SAP130: variants seen among roughly 807,000 people sequenced by gnomAD.
SAP130 encodes histone deacetylase complex subunit SAP130.
A neutral mutation model predicts 103.2 loss-of-function variants in SAP130; 16 were observed. That is an observed-to-expected ratio of 0.16 (90% CI 0.10 to 0.24). The LOEUF (loss-of-function observed/expected upper bound fraction) is 0.24. SAP130 is among the 10% of genes least tolerant of loss of function. The pLI, the probability that SAP130 is intolerant of heterozygous loss-of-function variation, is 1.00. For synonymous variants in SAP130, 477 were observed against 497.0 expected, an observed-to-expected ratio of 0.96 and a Z score of 0.53; for missense variants, 990 against 1,359.7, an observed-to-expected ratio of 0.73 and a Z score of 4.28.
At chr2:127,945,706 G>A in intron 18 of SAP130, 147 bp from the exon 19 acceptor site, 1 of 608,170 alleles carries the variant, frequency 1.6e-6, no homozygotes, top group Non-Finnish European at 2.9e-6. Context: ...AGGCTGAAGT[G>A]CAGTGGTACA....
intron 6 of SAP130, among the ~76,000 whole-genome samples, chr2:128,011,240 A>T (rs911395909): frequency 6.6e-5 from 10 of 152,230 alleles, no homozygotes; most frequent in African/African-American, 2.4e-4. Flanking sequence ...TTTTCTAGGT[A>T]ATCGTTCAGG....
chr2:127,973,433 T>C (rs553229762), intron 15 of SAP130, among the ~76,000 whole-genome samples: 1 of 152,208 alleles, frequency 6.6e-6, no homozygotes, highest in Non-Finnish European at 1.5e-5. Context: ...GGTTTCTCCA[T>C]GTTGGTCAGG....
chr2:128,025,600 G>A (rs1406094234), intron 2 of SAP130, among the ~76,000 whole-genome samples: 1 of 152,148 alleles, frequency 6.6e-6, no homozygotes, highest in Non-Finnish European at 1.5e-5. Flanking sequence ...TAGCAATACA[G>A]TATAACAACT....
rs1316393527 is a variant in SAP130 at position 127,996,083 on chromosome 2, TG to T, written c.1355+266del. Among the ~76,000 whole-genome samples, 1 of 152,066 alleles carries T rather than the reference TG, an allele frequency of 6.6e-6. No individual in the cohort carries two copies. Among genetic ancestry groups the T allele is most frequent in the Non-Finnish European group, 1.5e-5 (1 of 68,018 alleles). ...ACTTACGGATAAATGGTCATAATGC[TG>T]CAACCCTTACTCTCAAAATGGCCAA... On this transcript the variant is annotated intron_variant, in intron 11 of 20. Coordinates refer to ENST00000643581, the MANE Select transcript of SAP130 (RefSeq NM_001330301.2). The surrounding 1 kb of genome is among the most constrained non-coding windows in gnomAD (Gnocchi z 4.3).
intron 15 of SAP130, among the ~76,000 whole-genome samples, chr2:127,961,424 A>C (rs1222953556): frequency 1.3e-5 from 2 of 151,632 alleles, no homozygotes; most frequent in Non-Finnish European, 2.9e-5. Flanking sequence ...CTGAGATTAC[A>C]AGTGTGAGCC....
chr2:128,023,885 T>C (rs1362112293), intron 2 of SAP130, among the ~76,000 whole-genome samples: 1 of 150,524 alleles, frequency 6.6e-6, no homozygotes, highest in East Asian at 1.9e-4. Flanking sequence ...ACCTGAGTTG[T>C]TATGGAAGAT....
intron 7 of SAP130, among the ~76,000 whole-genome samples, chr2:128,006,181 A>G (rs1333428826): frequency 5.3e-5 from 8 of 152,170 alleles, no homozygotes; most frequent in African/African-American, 1.2e-4. Flanking sequence ...AGAAACAATA[A>G]AACACTCAAT....
In SAP130 at chr2:128,026,328, C is replaced by G. The variant is rs768780942; in HGVS notation, c.-6-30G>C. 25 of 1,472,088 alleles carry G rather than the reference C, an allele frequency of 1.7e-5. No homozygotes were observed. In the East Asian group the frequency reaches 3.6e-4, roughly 21 times the overall value. The allele number at this position is 1,472,088 out of a possible 1,614,324, so 91.2% of individuals were successfully genotyped here. ...AGTACATACAGTTATATGGTTATTA[C>G]TAGATTCTGAGATCTGAATCAATAC... On this transcript the variant is annotated intron_variant, in intron 1 of 20. Transcript: ENST00000643581.
chr2:128,012,935 T>C (rs1399715692), intron 6 of SAP130, 95 bp downstream of exon 6: 1 of 1,244,004 alleles, frequency 8.0e-7, no homozygotes, highest in Non-Finnish European at 1.1e-6. Context: ...TCTTGGCAAC[T>C]AGATGGAAAG....
At position 127,941,270 on chromosome 2, in the gene SAP130, C is replaced by T. The variant is rs1678688808; in HGVS notation, c.*736G>A. The T allele has an allele frequency of 6.6e-6, 1 of 152,134 alleles. No individual in the cohort carries two copies. The highest frequency in any genetic ancestry group is 1.5e-5 in the Non-Finnish European group (1 of 68,038). 9.4% of individuals were successfully genotyped at this position (152,134 alleles called of 1,614,324 possible). On this transcript the variant is annotated 3_prime_UTR_variant, in exon 21 of 21. Coordinates refer to ENST00000643581, the MANE Select transcript of SAP130 (RefSeq NM_001330301.2). ...TATTAACGTCTGGAGATGTGTGGTA[C>T]ATACAATTAACAGCATCACACCAGC...
At chr2:127,952,727 T>C (rs1679579469) in intron 16 of SAP130, among the ~76,000 whole-genome samples, 2 of 152,232 alleles carry the variant, frequency 1.3e-5, no homozygotes, top group South Asian at 4.1e-4. Flanking sequence ...CACCTGATCA[T>C]TGTCTCCTCT....
rs1368563806 is a variant in SAP130 at position 127,964,458 on chromosome 2, C to T, written c.2064-9114G>A. 7.8e-5 allele frequency among the ~76,000 whole-genome samples: 11 copies of T among 140,306 alleles called. No individual in the cohort carries two copies. The South Asian group carries it at 2.0e-3, about 26-fold the overall frequency. The allele number at this position is 140,306 out of a possible 152,430, so 92.0% of individuals were successfully genotyped here. The stretch of plus-strand genomic sequence containing the variant: ...GCAGTAAGCTGAGATTGTGTCACTG[C>T]ACTCCAGCCTGGGCGACAAGAGCGA... On this transcript the variant is annotated intron_variant, in intron 15 of 20. Coordinates refer to ENST00000643581, the MANE Select transcript of SAP130 (RefSeq NM_001330301.2).
chr2:127,992,844 T>A (rs1467811339), intron 12 of SAP130, among the ~76,000 whole-genome samples: 1 of 152,198 alleles, frequency 6.6e-6, no homozygotes, highest in African/African-American at 2.4e-5. Context: ...CAAACCTTTA[T>A]AAATTTTTTA....
At chr2:127,980,465 A>T (rs1030486949) in intron 14 of SAP130, among the ~76,000 whole-genome samples, 2 of 152,162 alleles carry the variant, frequency 1.3e-5, no homozygotes. Context: ...ACCATGCTCC[A>T]TGAAAGTTTA....
chr2:127,978,647 C>G (rs1173942616), intron 14 of SAP130, among the ~76,000 whole-genome samples: 1 of 152,042 alleles, frequency 6.6e-6, no homozygotes, highest in Non-Finnish European at 1.5e-5. Flanking sequence ...GGAACAAATA[C>G]CAGTTGAGAG....
At chr2:127,965,768 C>T (rs773491915) in intron 15 of SAP130, among the ~76,000 whole-genome samples, 8 of 151,444 alleles carry the variant, frequency 5.3e-5, no homozygotes, top group African/African-American at 1.7e-4. Flanking sequence ...CCAGACTGGG[C>T]GACAGAGCGA....
chr2:127,966,667 C>T (rs1680683472), intron 15 of SAP130, among the ~76,000 whole-genome samples: 1 of 151,816 alleles, frequency 6.6e-6, no homozygotes, highest in Non-Finnish European at 1.5e-5. Context: ...TGCGCCACTG[C>T]ACTCCAACCT....
At chr2:127,975,930 C>T (rs972463404) in intron 15 of SAP130, among the ~76,000 whole-genome samples, 4 of 152,128 alleles carry the variant, frequency 2.6e-5, no homozygotes, top group Non-Finnish European at 4.4e-5. Flanking sequence ...CTGCAAGCTC[C>T]GCCTCCTGGG....
intron 14 of SAP130, among the ~76,000 whole-genome samples, chr2:127,982,439 T>C (rs1320259949): frequency 6.6e-6 from 1 of 152,126 alleles, no homozygotes; most frequent in East Asian, 1.9e-4. Flanking sequence ...ACTGCCACCG[T>C]AAGTATTATA....
Sources: allele counts gnomAD v4.1 joint callset (sites outside exome capture counted in the v4.1 genomes callset), GRCh38; gene constraint gnomAD v4.1.1; non-coding constraint Gnocchi (gnomAD v3.1); transcripts MANE v1.5; gene names NCBI Gene and HGNC (gene_info 2026-07-23, HGNC 2026-07-21).